Variants in SLC4A1 observed in about 807,000 individuals in gnomAD.
The protein encoded by SLC4A1 is band 3 anion transport protein.
In SLC4A1, 29 loss-of-function variants were observed where a neutral mutation model predicts 93.1. That is an observed-to-expected ratio of 0.31 (90% CI 0.23 to 0.42). SLC4A1 has a LOEUF of 0.42. Among genes scored for constraint, SLC4A1 ranks in the 20% least tolerant of loss-of-function variants. The pLI, the probability that SLC4A1 is intolerant of heterozygous loss-of-function variation, is 1.00. For missense variants in SLC4A1, 965 were observed against 1,190.1 expected, an observed-to-expected ratio of 0.81 and a Z score of 2.78; for synonymous variants, 469 against 497.2, an observed-to-expected ratio of 0.94 and a Z score of 0.76.
chr17:44,253,361 T>C lies in SLC4A1; in HGVS notation c.2068A>G (p.Ser690Gly), dbSNP rs5023. Reference sequence around the variant, plus strand: ...TTGACCATCTTGCGCTCAGGTTTGCTGACAATCAGCCTACGGTAGGGGAAG... The same window carrying C: ...TTGACCATCTTGCGCTCAGGTTTGCCGACAATCAGCCTACGGTAGGGGAAG... ...LESQITTLIVSKPERKMVKGS... is the reference protein window; with the variant it reads ...LESQITTLIVGKPERKMVKGS... The change falls in exon 17 of 20, where the codon AGC becomes GGC. Residue 690 changes from serine to glycine, a missense_variant. By Grantham distance (56) the Ser-to-Gly change is moderately conservative (BLOSUM62 0). Coordinates refer to ENST00000262418, the MANE Select transcript of SLC4A1 (RefSeq NM_000342.4). 3.1e-6 allele frequency: 5 copies of C among 1,612,168 alleles called. No individual in the cohort carries two copies. Among genetic ancestry groups the C allele is most frequent in the Non-Finnish European group, 4.2e-6 (5 of 1,178,574 alleles).
Position 44,258,240 on chromosome 17 carries a change from G to A in SLC4A1, c.1088-60C>T. 1 of 1,533,726 alleles carries A rather than the reference G, an allele frequency of 6.5e-7. No homozygotes were observed. The highest frequency in any genetic ancestry group is 9.0e-7 in the Non-Finnish European group (1 of 1,108,526). On this transcript the variant is annotated intron_variant, in intron 10 of 19. Coordinates refer to ENST00000262418, the MANE Select transcript of SLC4A1 (RefSeq NM_000342.4). This position sits in a 1 kb window ranked among gnomAD's most constrained non-coding sequence, Gnocchi z 6.1. ...TAGCTGGAGGAGGTGAGGGGAAAGGGGACTGGAGGGTGTAGGGGAGATTGT... is the reference window on the plus strand; with the variant it reads ...TAGCTGGAGGAGGTGAGGGGAAAGGAGACTGGAGGGTGTAGGGGAGATTGT...
At chr17:44,263,817 T>C (rs1224890745) in intron 1 of SLC4A1, among the ~76,000 whole-genome samples, 1 of 151,384 alleles carries the variant, frequency 6.6e-6, no homozygotes, top group African/African-American at 2.4e-5. Flanking sequence ...CACCCAGGCT[T>C]AGAGTGCAGT....
At position 44,259,544 on chromosome 17, in the gene SLC4A1, A is replaced by C; in HGVS notation, c.647T>G (p.Ile216Ser). 1 of 1,614,096 alleles carries C rather than the reference A, an allele frequency of 6.2e-7. No homozygotes were observed. Residue 216 changes from isoleucine to serine, a missense_variant, in exon 8 of 20, where the codon ATT becomes AGT. Ile to Ser is a moderately radical substitution (Grantham distance 142). Transcript: ENST00000262418. The stretch of plus-strand genomic sequence containing the variant: ...TGAATCCGGGGGAATCTTTTCCAGA[A>C]TTCCAGATGGTGAGTGCCCTTCTGT... ...GGTEGHSPSGILEKIPPDSEA... is the reference protein window; with the variant it reads ...GGTEGHSPSGSLEKIPPDSEA...
rs148317876 is a variant in SLC4A1 at position 44,251,556 on chromosome 17, G to C, written c.2344C>G (p.Arg782Gly). 2 of 1,614,062 alleles carry C rather than the reference G, an allele frequency of 1.2e-6. No individual in the cohort carries two copies. Among genetic ancestry groups the C allele is most frequent in the African/African-American group, 2.7e-5 (2 of 75,022 alleles). Residue 782 changes from arginine to glycine, a missense_variant, in exon 18 of 20, where the codon CGC becomes GGC. Coordinates refer to ENST00000262418, the MANE Select transcript of SLC4A1 (RefSeq NM_000342.4). Reference sequence around the variant, plus strand: ...CCAAACAGTACAGCCAGGGGGATGCGGGACAGGATGGGCTCCATGAGGATG... The same window carrying C: ...CCAAACAGTACAGCCAGGGGGATGCCGGACAGGATGGGCTCCATGAGGATG... ...LSILMEPILS[R>G]IPLAVLFGIF...
At chr17:44,264,741 G>C (rs565208664) in intron 1 of SLC4A1, among the ~76,000 whole-genome samples, 1 of 152,116 alleles carries the variant, frequency 6.6e-6, no homozygotes, top group African/African-American at 2.4e-5. Context: ...TGAGCTCGGG[G>C]TCTCAGTTTT....
rs2047506681 is a variant in SLC4A1 at position 44,267,789 on chromosome 17, A to G, written c.-69+265T>C. Among the ~76,000 whole-genome samples, 4 of 152,134 alleles carry G rather than the reference A, an allele frequency of 2.6e-5. No homozygotes were observed. In the South Asian group the frequency reaches 8.3e-4, roughly 32 times the overall value. On this transcript the variant is annotated intron_variant, in intron 1 of 19. Transcript: ENST00000262418. ...TGACAAGGGCCCATACCTGGAGGGGATCAGATACCCCCCGCAACACACGCA... is the reference window on the plus strand; with the variant it reads ...TGACAAGGGCCCATACCTGGAGGGGGTCAGATACCCCCCGCAACACACGCA...
chr17:44,266,946 C>CTTT (rs2047500848), intron 1 of SLC4A1, among the ~76,000 whole-genome samples: 1 of 152,164 alleles, frequency 6.6e-6, no homozygotes, highest in African/African-American at 2.4e-5. Context: ...CCGAACTGCA[C>CTTT]AAAGAACTGT....
chr17:44,262,814 T>A (rs1355834920), intron 2 of SLC4A1, 38 bp downstream of exon 2: 19 of 1,611,864 alleles, frequency 1.2e-5, no homozygotes, highest in Non-Finnish European at 1.6e-5. Flanking sequence ...CCCCAGAGCC[T>A]CCAGGTGGGA....
At position 44,262,918 on chromosome 17, in the gene SLC4A1, A is replaced by G. The variant is rs2047459823; in HGVS notation, c.-52T>C. ...TACGGTGATCTGAGCCCCCAGCATA[A>G]CCCGCACCGCGGGTCCCTGCAGCAG... On this transcript the variant is annotated 5_prime_UTR_variant, in exon 2 of 20. Transcript: ENST00000262418. 1.2e-6 allele frequency: 2 copies of G among 1,613,358 alleles called. No homozygotes were observed. Among genetic ancestry groups the G allele is most frequent in the South Asian group, 1.1e-5 (1 of 91,060 alleles).
rs76359979 is a variant in SLC4A1, at chr17:44,261,515, G to A, written c.168+60C>T. ...CTATCCCCTTGCTCCTCTCTTCCCT[G>A]ATCAAATGGTGGGTCCCAAAGGCAG... On this transcript the variant is annotated intron_variant, in intron 4 of 19. Coordinates refer to ENST00000262418, the MANE Select transcript of SLC4A1 (RefSeq NM_000342.4). The A allele has an allele frequency of 1.4e-3, 2,287 of 1,613,904 alleles. 18 individuals carry two copies. The African/African-American group carries it at 0.022, about 16-fold the overall frequency.
Position 44,258,641 on chromosome 17 carries a change from G to A in SLC4A1, c.877-18C>T, listed in dbSNP as rs1200210596. 2 of 1,567,148 alleles carry A rather than the reference G, an allele frequency of 1.3e-6. No individual in the cohort carries two copies. Among genetic ancestry groups the A allele is most frequent in the South Asian group, 1.2e-5 (1 of 86,640 alleles). On this transcript the variant is annotated intron_variant, in intron 9 of 19. Transcript: ENST00000262418. This position sits in a 1 kb window ranked among gnomAD's most constrained non-coding sequence, Gnocchi z 6.1. The stretch of plus-strand genomic sequence containing the variant: ...CGGAACACCTAGGGGCAGGAGACAG[G>A]GTCAGAGCTGCCCGGACCTGCGGAG...
At position 44,259,210 on chromosome 17, in the gene SLC4A1, C is replaced by A; in HGVS notation, c.829G>T (p.Asp277Tyr). ...VLLGPEAPHI[D>Y]YTQLGRAAAT... ...GCAGCCCGGCCAAGCTGGGTGTAAT[C>A]GATGTGGGGGGCCTCAGGTCCCAGC... Residue 277 changes from aspartate (D) to tyrosine (Y), a missense_variant, in exon 9 of 20, where the codon GAT (aspartate) becomes TAT (tyrosine). This residue lies in a region of SLC4A1 where 770 missense variants were observed against 1,006.6 expected (regional missense o/e 0.76). Transcript: ENST00000262418. 1.2e-6 allele frequency: 2 copies of A among 1,614,022 alleles called. No homozygotes were observed. Among genetic ancestry groups the A allele is most frequent in the Non-Finnish European group, 8.5e-7 (1 of 1,180,020 alleles).
In SLC4A1 at chr17:44,263,707, C is replaced by CTCCTTCCTTCCTTCCTTCCTTCCTTCCT. The variant is rs111483250; in HGVS notation, c.-68-801_-68-774dup. ...TTCCCTCCCTCCTTCCCTCCCTTCC[C>CTCCTTCCTTCCTTCCTTCCTTCCTTCCT]TCCTTCCTTCCTTCCTTCCTTCCTT... On this transcript the variant is annotated intron_variant, in intron 1 of 19. Transcript: ENST00000262418. 3.9e-4 allele frequency among the ~76,000 whole-genome samples: 55 copies of CTCCTTCCTTCCTTCCTTCCTTCCTTCCT among 140,402 alleles called. 1 individual carries two copies. The highest frequency in any genetic ancestry group is 1.2e-3 in the African/African-American group (41 of 35,574). The allele number at this position is 140,402 out of a possible 152,430, so 92.1% of individuals were successfully genotyped here. A position where few individuals can be genotyped will look rare whatever the true frequency, so the allele number is the denominator to read the frequency against.
Position 44,251,511 on chromosome 17 carries a change from C to G in SLC4A1, c.2389G>C (p.Val797Leu), listed in dbSNP as rs761550289. The G allele has an allele frequency of 1.4e-5, 22 of 1,614,118 alleles. No homozygotes were observed. In the Admixed American group the frequency reaches 3.5e-4, roughly 26 times the overall value. The change falls in exon 18 of 20, where the codon GTC becomes CTC. Residue 797 changes from valine (V) to leucine (L), a missense_variant. Physicochemically the swap from Val to Leu is conservative, Grantham distance 32 (BLOSUM62 1). This residue lies in a region of SLC4A1 where 770 missense variants were observed against 1,006.6 expected (regional missense o/e 0.76). Transcript: ENST00000262418. ...VLFGIFLYMG[V>L]TSLSGIQLFD... is the part of the protein sequence containing the mutation. The stretch of plus-strand genomic sequence containing the variant: ...AGCTGGATGCCGCTGAGCGACGTGA[C>G]CCCCATGTAGAGGAAGATGCCAAAC...
Position 44,249,073 on chromosome 17 carries a change from G to A in SLC4A1, c.*1385C>T. ...AACGGGGTTTCACCATGTTGGCCAG[G>A]CTGGTCTCAAACTCCTGACCTCAAA... On this transcript the variant is annotated 3_prime_UTR_variant, in exon 20 of 20. Coordinates refer to ENST00000262418, the MANE Select transcript of SLC4A1 (RefSeq NM_000342.4). 1 of 398,276 alleles carries A rather than the reference G, an allele frequency of 2.5e-6. No individual in the cohort carries two copies. The highest frequency in any genetic ancestry group is 4.9e-6 in the Non-Finnish European group (1 of 202,132). The allele number at this position is 398,276 out of a possible 1,614,324, so 24.7% of individuals were successfully genotyped here. A position where few individuals can be genotyped will look rare whatever the true frequency, so the allele number is the denominator to read the frequency against.
chr17:44,262,984 C>A (rs553496407), intron 1 of SLC4A1, 50 bp from the exon 2 acceptor site: 1 of 1,505,930 alleles, frequency 6.6e-7, no homozygotes, highest in Non-Finnish European at 9.2e-7. Context: ...CCCAGGGTCT[C>A]CTGGTCCTCC....
chr17:44,261,998 T>G (rs2047449807), intron 3 of SLC4A1: 1 of 1,202,312 alleles, frequency 8.3e-7, no homozygotes, highest in Non-Finnish European at 1.0e-6. Context: ...CTGCCACCTC[T>G]GAGACCAGAC....
Position 44,259,252 on chromosome 17 carries a change from G to T in SLC4A1, c.787C>A (p.Arg263Ser). The change falls in exon 9 of 20, where the codon CGC (arginine) becomes AGC (serine). Residue 263 changes from arginine (R) to serine (S), a missense_variant. Transcript: ENST00000262418. ...GGTCCCAGCAACACAAAGAGGAAGC[G>T]TATAGGCACCGGCAGCTCCACCGCC... ...LEAVELPVPI[R>S]FLFVLLGPEA... The T allele has an allele frequency of 6.2e-7, 1 of 1,614,028 alleles. No individual in the cohort carries two copies. The highest frequency in any genetic ancestry group is 8.5e-7 in the Non-Finnish European group (1 of 1,180,034).
rs764576921 is a variant in SLC4A1 at position 44,258,190 on chromosome 17, A to T, written c.1088-10T>A. ...GGGCCCCCATTTAAGTCTGTGGTGG[A>T]GGATAAGAGCATGGTCAGAGGGAGT... On this transcript the variant is annotated splice_polypyrimidine_tract_variant and intron_variant, in intron 10 of 19. Transcript: ENST00000262418. This position sits in a 1 kb window ranked among gnomAD's most constrained non-coding sequence, Gnocchi z 6.1. 2 of 1,613,314 alleles carry T rather than the reference A, an allele frequency of 1.2e-6. No homozygotes were observed. The highest frequency in any genetic ancestry group is 3.3e-5 in the Admixed American group (2 of 59,986).
Sources: gnomAD v4.1 joint callset for allele counts (sites outside exome capture counted in the v4.1 genomes callset) on GRCh38, gnomAD v4.1.1 for gene constraint, gnomAD v4.1.1 regional missense constraint, Gnocchi (gnomAD v3.1) non-coding constraint, MANE v1.5 for transcripts, NCBI Gene and HGNC (gene_info 2026-07-23, HGNC 2026-07-21) for gene names.